The following MACROD2 variants were observed in gnomAD, a reference collection of about 807,000 sequenced individuals.
The protein encoded by MACROD2 is mono-ADP ribosylhydrolase 2.
In MACROD2, 36 loss-of-function variants were observed where a neutral mutation model predicts 70.4. The ratio of observed to expected loss-of-function variants is 0.51; its 90% CI spans 0.39 to 0.68. The LOEUF (loss-of-function observed/expected upper bound fraction) is 0.68, where lower values mean the gene tolerates loss of function less well. MACROD2 is among the 30% of genes least tolerant of loss of function. MACROD2 has a pLI of 0.00. For missense variants in MACROD2, 496 were observed against 538.4 expected, an observed-to-expected ratio of 0.92 and a Z score of 0.78; for synonymous variants, 172 against 178.8, an observed-to-expected ratio of 0.96 and a Z score of 0.30.
chr20:15,891,780 A>G (rs1275494741), intron 10 of MACROD2, among the ~76,000 whole-genome samples: 1 of 152,230 alleles, frequency 6.6e-6, no homozygotes, highest in Non-Finnish European at 1.5e-5. Context: ...GCTTATAAAC[A>G]TCAAGTATAT....
chr20:15,267,195 T>C (rs2077303161), intron 6 of MACROD2, among the ~76,000 whole-genome samples: 1 of 152,126 alleles, frequency 6.6e-6, no homozygotes, highest in African/African-American at 2.4e-5. Context: ...CCACTCCAAC[T>C]TGGCCAACCC....
At chr20:14,680,578 A>G (rs963795807) in intron 4 of MACROD2, among the ~76,000 whole-genome samples, 2 of 152,228 alleles carry the variant, frequency 1.3e-5, no homozygotes, top group African/African-American at 4.8e-5. Context: ...CTAAGATAAT[A>G]GAAGATAATA....
intron 6 of MACROD2, among the ~76,000 whole-genome samples, chr20:15,329,915 C>T (rs1172413566): frequency 2.0e-5 from 3 of 152,040 alleles, no homozygotes; most frequent in African/African-American, 7.2e-5. Context: ...TTTTTCCTCT[C>T]CCTTGTAAAA....
In MACROD2 at chr20:14,255,753, G is replaced by A. The variant is rs553992882; in HGVS notation, c.271+170025G>A. On this transcript the variant is annotated intron_variant, in intron 3 of 17. Transcript: ENST00000684519. ...AGAAAATGTCATTCCATTGTCTTCTGTCTCATTCCAGGAAGTCAGCTGTAA... is the reference window on the plus strand; with the variant it reads ...AGAAAATGTCATTCCATTGTCTTCTATCTCATTCCAGGAAGTCAGCTGTAA... Among the ~76,000 whole-genome samples the A allele has an allele frequency of 2.0e-5, 3 of 151,900 alleles. No individual in the cohort carries two copies. The East Asian group carries it at 5.8e-4, about 29-fold the overall frequency.
chr20:14,738,310 T>C (rs1476954734), intron 5 of MACROD2, among the ~76,000 whole-genome samples: 1 of 152,146 alleles, frequency 6.6e-6, no homozygotes, highest in Non-Finnish European at 1.5e-5. Flanking sequence ...CTCTTTCCGA[T>C]CATAAAGAAC....
At chr20:14,131,898 G>A (rs2054723194) in intron 3 of MACROD2, among the ~76,000 whole-genome samples, 1 of 151,900 alleles carries the variant, frequency 6.6e-6, no homozygotes, top group Non-Finnish European at 1.5e-5. Context: ...TTGGGAGGCC[G>A]AGTCAGGTGG....
chr20:14,396,191 A>T lies in MACROD2; in HGVS notation c.272-97288A>T, dbSNP rs114773045. Reference sequence around the variant, plus strand: ...AATGTTCCATGTGCACTTGAAAAACATTTGTACTCTGCTGTTAGTGAGTAG... The same window carrying T: ...AATGTTCCATGTGCACTTGAAAAACTTTTGTACTCTGCTGTTAGTGAGTAG... On this transcript the variant is annotated intron_variant, in intron 3 of 17. Transcript: ENST00000684519. Among the ~76,000 whole-genome samples the T allele has an allele frequency of 2.3e-3, 343 of 152,346 alleles. 4 individuals are homozygous for T. The highest frequency in any genetic ancestry group is 7.9e-3 in the African/African-American group (328 of 41,590).
intron 5 of MACROD2, among the ~76,000 whole-genome samples, chr20:15,049,670 G>T (rs1287456520): frequency 2.0e-5 from 3 of 152,052 alleles, no homozygotes; most frequent in Non-Finnish European, 4.4e-5. Flanking sequence ...CTACATGACC[G>T]GGTGCGTTGG....
At chr20:15,897,756 A>C (rs543770095) in intron 10 of MACROD2, among the ~76,000 whole-genome samples, 62 of 152,222 alleles carry the variant, frequency 4.1e-4, no homozygotes, top group African/African-American at 1.3e-3. Flanking sequence ...TTTAATTAAC[A>C]CATAAAATAC....
intron 8 of MACROD2, among the ~76,000 whole-genome samples, chr20:15,846,836 A>T (rs958049454): frequency 6.9e-6 from 1 of 145,074 alleles, no homozygotes; most frequent in Non-Finnish European, 1.5e-5. Context: ...CTCGGCATCA[A>T]GAAAAAACAA....
intron 15 of MACROD2, among the ~76,000 whole-genome samples, chr20:16,012,667 A>G (rs2066878801): frequency 6.6e-6 from 1 of 152,244 alleles, no homozygotes; most frequent in African/African-American, 2.4e-5. Flanking sequence ...ATCTGATTAC[A>G]GTTTTTATCA....
At chr20:15,487,281 CAA>C (rs1568842603) in intron 7 of MACROD2, among the ~76,000 whole-genome samples, 1 of 152,094 alleles carries the variant, frequency 6.6e-6, no homozygotes, top group Non-Finnish European at 1.5e-5. Context: ...AAAGGTGTCA[CAA>C]GAGTCTAATG....
chr20:15,373,898 C>A (rs2045526759), intron 6 of MACROD2, among the ~76,000 whole-genome samples: 1 of 152,064 alleles, frequency 6.6e-6, no homozygotes, highest in African/African-American at 2.4e-5. Flanking sequence ...ACATTTTCAT[C>A]TTTTACATGC....
At chr20:15,652,986 T>G (rs1193330035) in intron 8 of MACROD2, among the ~76,000 whole-genome samples, 1 of 152,190 alleles carries the variant, frequency 6.6e-6, no homozygotes, top group Non-Finnish European at 1.5e-5. Flanking sequence ...TTGCATTATC[T>G]CATTTTGTAT....
At chr20:14,100,783 CATATTAT>C (rs1342651260) in intron 3 of MACROD2, among the ~76,000 whole-genome samples, 1 of 131,804 alleles carries the variant, frequency 7.6e-6, no homozygotes, top group African/African-American at 2.9e-5. Context: ...ATATATATTA[CATATTAT>C]ATATTATATA....
chr20:15,740,144 T>C (rs76568418), intron 8 of MACROD2, among the ~76,000 whole-genome samples: 1,563 of 152,126 alleles, frequency 0.01, 28 homozygotes, highest in East Asian at 0.043. Flanking sequence ...AGAAAGAAAA[T>C]GTGGAAGAAT....
chr20:15,651,146 A>G (rs928216550), intron 8 of MACROD2, among the ~76,000 whole-genome samples: 1 of 152,236 alleles, frequency 6.6e-6, no homozygotes, highest in African/African-American at 2.4e-5. Flanking sequence ...GAGGCAAACA[A>G]CATTTCTGCA....
chr20:15,305,919 T>C (rs1046450988), intron 6 of MACROD2, among the ~76,000 whole-genome samples: 2 of 152,218 alleles, frequency 1.3e-5, no homozygotes, highest in African/African-American at 4.8e-5. Context: ...TACTATAAAT[T>C]CTATCTTTTG....
chr20:15,961,357 T>A (rs537416225), intron 12 of MACROD2, among the ~76,000 whole-genome samples: 1 of 152,202 alleles, frequency 6.6e-6, no homozygotes, highest in Middle Eastern at 3.4e-3. Context: ...TGTCTCACTC[T>A]CCAAACAGGT....
Sources: allele counts gnomAD v4.1 joint callset (sites outside exome capture counted in the v4.1 genomes callset), GRCh38; gene constraint gnomAD v4.1.1; transcripts MANE v1.5; gene names NCBI Gene and HGNC (gene_info 2026-07-23, HGNC 2026-07-21).